The following SGCZ variants were observed in gnomAD, a reference collection of about 807,000 sequenced individuals.
The protein encoded by SGCZ is zeta-sarcoglycan.
In SGCZ, 40 loss-of-function variants were observed where a neutral mutation model predicts 41.3. That is an observed-to-expected ratio of 0.97 (90% CI 0.75 to 1.26). The LOEUF (loss-of-function observed/expected upper bound fraction) is 1.26, where lower values mean the gene tolerates loss of function less well. SGCZ is among the 50% of genes most tolerant of loss of function. The pLI is 0.00. For missense variants in SGCZ, 552 were observed against 369.8 expected (o/e 1.49, Z -4.04); for synonymous variants, 206 against 137.5 (o/e 1.50, Z -3.49).
intron 5 of SGCZ, among the ~76,000 whole-genome samples, chr8:14,129,447 G>C (rs1802968150): frequency 6.7e-6 from 1 of 148,330 alleles, no homozygotes; most frequent in Non-Finnish European, 1.5e-5. Flanking sequence ...CCATAAACAT[G>C]TAGAAATTAA....
intron 1 of SGCZ, among the ~76,000 whole-genome samples, chr8:15,096,721 C>G (rs1806360092): frequency 6.6e-6 from 1 of 151,964 alleles, no homozygotes; most frequent in Non-Finnish European, 1.5e-5. Flanking sequence ...CAGTCTCGCT[C>G]TGTCTCCAGG....
At chr8:15,051,215 A>G (rs1302752177) in intron 1 of SGCZ, among the ~76,000 whole-genome samples, 1 of 152,226 alleles carries the variant, frequency 6.6e-6, no homozygotes. Context: ...AACGTAAAGA[A>G]AGAGGCACAA....
chr8:15,021,615 T>TA (rs1803250990), intron 1 of SGCZ, among the ~76,000 whole-genome samples: 1 of 152,204 alleles, frequency 6.6e-6, no homozygotes, highest in Non-Finnish European at 1.5e-5. Flanking sequence ...AACTAACAGT[T>TA]ACGGAGAACA....
intron 4 of SGCZ, among the ~76,000 whole-genome samples, chr8:14,173,023 G>A (rs1366743407): frequency 6.6e-6 from 1 of 152,128 alleles, no homozygotes; most frequent in Non-Finnish European, 1.5e-5. Flanking sequence ...TGGACATGAA[G>A]TTGAGGCCCC....
intron 5 of SGCZ, among the ~76,000 whole-genome samples, chr8:14,121,341 T>C (rs1027430977): frequency 1.3e-5 from 2 of 152,146 alleles, no homozygotes; most frequent in African/African-American, 2.4e-5. Flanking sequence ...TTCTCCACTT[T>C]AGGCTCATAG....
At chr8:14,629,742 T>G (rs1390318384) in intron 1 of SGCZ, among the ~76,000 whole-genome samples, 1 of 152,118 alleles carries the variant, frequency 6.6e-6, no homozygotes, top group Non-Finnish European at 1.5e-5. Flanking sequence ...TAAACAAAAC[T>G]GAAATCTATG....
chr8:14,569,065 C>A (rs922067300), intron 1 of SGCZ, among the ~76,000 whole-genome samples: 1 of 152,110 alleles, frequency 6.6e-6, no homozygotes, highest in Non-Finnish European at 1.5e-5. Context: ...GCTTTCGAGT[C>A]AATATTATTT....
intron 2 of SGCZ, among the ~76,000 whole-genome samples, chr8:14,359,423 A>G (rs572997577): frequency 8.5e-5 from 13 of 152,182 alleles, no homozygotes; most frequent in Non-Finnish European, 1.8e-4. Flanking sequence ...ACTGCAGAAT[A>G]TACATTCTTC....
intron 1 of SGCZ, among the ~76,000 whole-genome samples, chr8:14,596,381 A>G (rs931095830): frequency 1.3e-5 from 2 of 152,196 alleles, no homozygotes; most frequent in Non-Finnish European, 2.9e-5. Context: ...AAAATATTTG[A>G]TGAACGACAA....
intron 1 of SGCZ, among the ~76,000 whole-genome samples, chr8:14,648,725 C>G (rs539299845): frequency 1.3e-5 from 2 of 151,660 alleles, no homozygotes; most frequent in African/African-American, 2.4e-5. Flanking sequence ...TATAGACGGC[C>G]GAGTGTCTAG....
chr8:14,961,329 T>C (rs1396368869), intron 1 of SGCZ, among the ~76,000 whole-genome samples: 2 of 152,172 alleles, frequency 1.3e-5, no homozygotes, highest in Admixed American at 6.6e-5. Context: ...TGGAAACATC[T>C]TGGAAAATAC....
intron 1 of SGCZ, among the ~76,000 whole-genome samples, chr8:14,827,682 T>C (rs1221952257): frequency 6.6e-6 from 1 of 152,170 alleles, no homozygotes; most frequent in African/African-American, 2.4e-5. Context: ...GAGCCTTAAA[T>C]ATTTACTATC....
chr8:14,562,992 A>G (rs1804252394), intron 1 of SGCZ, among the ~76,000 whole-genome samples: 1 of 152,220 alleles, frequency 6.6e-6, no homozygotes, highest in Admixed American at 6.5e-5. Context: ...AATAATTATT[A>G]TAATCCAAAG....
chr8:15,184,363 T>G (rs1439673258), intron 1 of SGCZ, among the ~76,000 whole-genome samples: 1 of 152,134 alleles, frequency 6.6e-6, no homozygotes, highest in Non-Finnish European at 1.5e-5. Context: ...CTCACACCGA[T>G]TTGAAAAACT....
intron 1 of SGCZ, among the ~76,000 whole-genome samples, chr8:14,839,292 G>C (rs998221954): frequency 1.3e-5 from 2 of 152,130 alleles, no homozygotes; most frequent in Non-Finnish European, 2.9e-5. Flanking sequence ...TACGCAATGA[G>C]TAGCCAGGTA....
At chr8:14,099,455 G>T (rs554484714) in intron 7 of SGCZ, among the ~76,000 whole-genome samples, 6 of 152,116 alleles carry the variant, frequency 3.9e-5, no homozygotes, top group African/African-American at 1.4e-4. Flanking sequence ...GGTCAGGTGC[G>T]GTGGCTCACG....
At chr8:14,799,706 T>C (rs1159170827) in intron 1 of SGCZ, among the ~76,000 whole-genome samples, 5 of 152,020 alleles carry the variant, frequency 3.3e-5, no homozygotes, top group East Asian at 1.9e-4. Flanking sequence ...TTTTTTAAAT[T>C]TAAAAAGCGT....
In SGCZ at chr8:14,507,313, T is replaced by C. The variant is rs142127582; in HGVS notation, c.234+47419A>G. Reference sequence around the variant, plus strand: ...AGCATTCTCCATCCCAAGCATTCCATCAAATACCTCTTTGAGAAGCACAGT... The same window carrying C: ...AGCATTCTCCATCCCAAGCATTCCACCAAATACCTCTTTGAGAAGCACAGT... On this transcript the variant is annotated intron_variant, in intron 2 of 7. Transcript: ENST00000382080. Among the ~76,000 whole-genome samples, 36 of 152,262 alleles carry C rather than the reference T, an allele frequency of 2.4e-4. No homozygotes were observed. The East Asian group carries it at 5.2e-3, about 22-fold the overall frequency.
intron 1 of SGCZ, among the ~76,000 whole-genome samples, chr8:14,753,754 T>C (rs773533708): frequency 5.3e-5 from 8 of 152,214 alleles, no homozygotes; most frequent in Non-Finnish European, 1.0e-4. Flanking sequence ...GTGAGCTCTT[T>C]CCCTTGATCT....
Sources: allele counts gnomAD v4.1 joint callset (sites outside exome capture counted in the v4.1 genomes callset), GRCh38; gene constraint gnomAD v4.1.1; transcripts MANE v1.5; gene names NCBI Gene and HGNC (gene_info 2026-07-23, HGNC 2026-07-21).